BRD10: variants seen among roughly 807,000 people sequenced by gnomAD.
The protein encoded by BRD10 is bromodomain containing 10.
the BRD10 span, among the ~76,000 whole-genome samples, chr9:5,884,104 C>A: frequency 2.0e-5 from 3 of 152,202 alleles, no homozygotes; most frequent in Non-Finnish European, 4.4e-5. Context: ...TTCATATCAC[C>A]AATCCAGAGC....
At chr9:5,965,740 G>C in the BRD10 span, among the ~76,000 whole-genome samples, 2 of 152,174 alleles carry the variant, frequency 1.3e-5, no homozygotes, top group African/African-American at 4.8e-5. Flanking sequence ...ATCTTTAAGA[G>C]GAGTATTTTC....
At chr9:5,901,691 T>G in the BRD10 span, among the ~76,000 whole-genome samples, 1 of 151,974 alleles carries the variant, frequency 6.6e-6, no homozygotes, top group Non-Finnish European at 1.5e-5. Context: ...GCTAAATTTT[T>G]TTGTATTTTC....
chr9:5,908,571 A>C, the BRD10 span: 1 of 1,310,458 alleles, frequency 7.6e-7, no homozygotes. Flanking sequence ...TAACTATTTT[A>C]ACTTAATCCC....
chr9:5,994,420 G>T, the BRD10 span, among the ~76,000 whole-genome samples: 1 of 152,126 alleles, frequency 6.6e-6, no homozygotes, highest in East Asian at 1.9e-4. Flanking sequence ...TTCAGGAAAA[G>T]AAGTAGTCTT....
chr9:5,977,756 A>G, the BRD10 span, among the ~76,000 whole-genome samples: 1 of 152,062 alleles, frequency 6.6e-6, no homozygotes, highest in East Asian at 1.9e-4. Context: ...AATGGTGTGA[A>G]CCCAGGAGGC....
the BRD10 span, among the ~76,000 whole-genome samples, chr9:5,935,226 C>T: frequency 3.3e-5 from 5 of 152,256 alleles, no homozygotes; most frequent in Admixed American, 6.5e-5. Flanking sequence ...AGAAAAGGAA[C>T]GCGTTTGTAC....
chr9:5,995,057 G>A, the BRD10 span, among the ~76,000 whole-genome samples: 6 of 151,908 alleles, frequency 3.9e-5, no homozygotes, highest in African/African-American at 1.2e-4. Flanking sequence ...ATGCCACCAC[G>A]CCCGGCTAAT....
At chr9:5,908,907 G>T in the BRD10 span, 1 of 553,646 alleles carries the variant, frequency 1.8e-6, no homozygotes. Context: ...ATATTAAATT[G>T]GGAAAACTCC....
the BRD10 span, among the ~76,000 whole-genome samples, chr9:5,950,502 C>G: frequency 7.9e-5 from 12 of 152,162 alleles, no homozygotes; most frequent in Non-Finnish European, 1.8e-4. Flanking sequence ...AAGTAGGTAG[C>G]CTGGTTGCAG....
At chr9:5,957,925 T>C in the BRD10 span, among the ~76,000 whole-genome samples, 1 of 152,154 alleles carries the variant, frequency 6.6e-6, no homozygotes, top group African/African-American at 2.4e-5. Flanking sequence ...CCTTCCCTTA[T>C]CACTCAACTT....
the BRD10 span, among the ~76,000 whole-genome samples, chr9:5,897,192 T>G: frequency 6.6e-6 from 1 of 152,138 alleles, no homozygotes; most frequent in South Asian, 2.1e-4. Context: ...GTGGGCTGAG[T>G]TGGAGAAAAT....
chr9:5,923,085 T>C, the BRD10 span: 1 of 1,613,988 alleles, frequency 6.2e-7, no homozygotes, highest in Non-Finnish European at 8.5e-7. Flanking sequence ...AAACAGTCAA[T>C]CTGCACATCA....
chr9:5,955,965 C>G, the BRD10 span, among the ~76,000 whole-genome samples: 1 of 152,030 alleles, frequency 6.6e-6, no homozygotes, highest in Admixed American at 6.5e-5. Context: ...TGCCAAGATG[C>G]CTTTCCTCTA....
the BRD10 span, among the ~76,000 whole-genome samples, chr9:5,902,174 A>G: frequency 1.1e-3 from 167 of 152,298 alleles, 1 homozygote; most frequent in African/African-American, 3.9e-3. Context: ...TATTGATTCA[A>G]TTTTTATAAT....
At chr9:5,965,071 A>G in the BRD10 span, among the ~76,000 whole-genome samples, 2 of 150,952 alleles carry the variant, frequency 1.3e-5, no homozygotes, top group Admixed American at 1.3e-4. Context: ...AAAAAAAAAA[A>G]AAGAAAAAAA....
At chr9:5,941,638 T>C in the BRD10 span, among the ~76,000 whole-genome samples, 20 of 152,310 alleles carry the variant, frequency 1.3e-4, no homozygotes, top group East Asian at 2.3e-3. Flanking sequence ...ACAAAATTAG[T>C]TGCTTTGCAA....
chr9:5,908,762 T>G, the BRD10 span: 1 of 1,502,752 alleles, frequency 6.7e-7, no homozygotes, highest in Non-Finnish European at 9.3e-7. Context: ...CACTTTTGCT[T>G]GAATTTAATA....
the BRD10 span, among the ~76,000 whole-genome samples, chr9:5,959,406 T>C: frequency 6.6e-6 from 1 of 152,150 alleles, no homozygotes; most frequent in Non-Finnish European, 1.5e-5. Flanking sequence ...AAATCTGTAA[T>C]AATGGGGAAT....
chr9:5,978,111 A>AT, the BRD10 span, among the ~76,000 whole-genome samples: 21 of 151,234 alleles, frequency 1.4e-4, no homozygotes, highest in African/African-American at 2.7e-4. Context: ...AATTGGTTCA[A>AT]TTTTTTTTTC....
Sources: allele counts gnomAD v4.1 joint callset (sites outside exome capture counted in the v4.1 genomes callset), GRCh38; gene constraint gnomAD v4.1.1; transcripts MANE v1.5; gene names NCBI Gene and HGNC (gene_info 2026-07-23, HGNC 2026-07-21).